Variants in DENND2D observed in about 807,000 individuals in gnomAD.
DENND2D encodes DENN domain-containing protein 2D.
A neutral mutation model predicts 59.8 loss-of-function variants in DENND2D; 37 were observed. That is an observed-to-expected ratio of 0.62 (90% CI 0.48 to 0.81). The LOEUF (loss-of-function observed/expected upper bound fraction) is 0.81. Among genes scored for constraint, DENND2D ranks in the 40% least tolerant of loss-of-function variants. The pLI is 0.00. For missense variants in DENND2D, 525 were observed against 579.7 expected (o/e 0.91, Z 0.97); for synonymous variants, 219 against 211.3 (o/e 1.04, Z -0.31).
rs1658612175 is a variant in DENND2D, at chr1:111,199,738, G to A, written c.128C>T (p.Ser43Phe). 6.2e-7 allele frequency: 1 copy of A among 1,614,152 alleles called. No individual in the cohort carries two copies. Among genetic ancestry groups the A allele is most frequent in the Admixed American group, 1.7e-5 (1 of 60,022 alleles). Residue 43 changes from serine to phenylalanine, a missense_variant, in exon 2 of 12, where the codon TCT becomes TTT. Physicochemically the swap from Ser to Phe is radical, Grantham distance 155 (BLOSUM62 -2). Coordinates refer to ENST00000357640, the MANE Select transcript of DENND2D (RefSeq NM_024901.5). ...LKEPERAQEH[S>F]LPNFAGGQHF... Reference sequence around the variant, plus strand: ...CTGCCCCCCAGCAAAGTTGGGCAAAGAGTGCTCCTGGGCCCTTTCTGGTTC... The same window carrying A: ...CTGCCCCCCAGCAAAGTTGGGCAAAAAGTGCTCCTGGGCCCTTTCTGGTTC...
In DENND2D at chr1:111,197,441, T is replaced by TG. The variant is rs1658350508; in HGVS notation, c.427-189dup. The TG allele has an allele frequency of 2.1e-6, 3 of 1,433,216 alleles. No individual in the cohort carries two copies. In the East Asian group the frequency reaches 7.6e-5, roughly 36 times the overall value. The allele number at this position is 1,433,216 out of a possible 1,614,324, so 88.8% of individuals were successfully genotyped here. A position where few individuals can be genotyped will look rare whatever the true frequency, so the allele number is the denominator to read the frequency against. ...TCCTTGAGGGTACTGGGTGAGTTGG[T>TG]GGGCAAGCGCTGCCACCTTCAGTGC... On this transcript the variant is annotated intron_variant, in intron 4 of 11. Coordinates refer to ENST00000357640, the MANE Select transcript of DENND2D (RefSeq NM_024901.5).
intron 6 of DENND2D, chr1:111,195,022 C>CA (rs1258220654): frequency 2.1e-5 from 8 of 389,442 alleles, no homozygotes; most frequent in East Asian, 1.3e-4. Flanking sequence ...CTGCAGCCTT[C>CA]ACAGTGAGGG....
At chr1:111,191,865 G>A (rs2101463218) in intron 8 of DENND2D, among the ~76,000 whole-genome samples, 1 of 152,276 alleles carries the variant, frequency 6.6e-6, no homozygotes, top group South Asian at 2.1e-4. Flanking sequence ...GCTATCCACT[G>A]CCCCTTATGC....
intron 9 of DENND2D, among the ~76,000 whole-genome samples, 156 bp downstream of exon 9, chr1:111,189,056 A>G (rs996242520): frequency 6.6e-6 from 1 of 152,150 alleles, no homozygotes; most frequent in Admixed American, 6.5e-5. Context: ...ATCTGTGTTT[A>G]TGTCCATGGG....
chr1:111,193,588 G>A (rs1657965218), intron 7 of DENND2D, among the ~76,000 whole-genome samples: 2 of 152,148 alleles, frequency 1.3e-5, no homozygotes, highest in Admixed American at 1.3e-4. Context: ...GCTTGCCCAA[G>A]TTTCCTTTCC....
chr1:111,200,557 C>A lies in DENND2D; in HGVS notation c.-98G>T. The A allele has an allele frequency of 6.5e-7, 1 of 1,527,246 alleles. No individual in the cohort carries two copies. Among genetic ancestry groups the A allele is most frequent in the Non-Finnish European group, 8.8e-7 (1 of 1,132,714 alleles). 94.6% of individuals were successfully genotyped at this position (1,527,246 alleles called of 1,614,324 possible). Reference sequence around the variant, plus strand: ...AAGGGGCTGCTTCGGTCTCCAGCCACAACTCTGTGAAGCCAAGCCACGCGC... The same window carrying A: ...AAGGGGCTGCTTCGGTCTCCAGCCAAAACTCTGTGAAGCCAAGCCACGCGC... On this transcript the variant is annotated 5_prime_UTR_variant, in exon 1 of 12. Coordinates refer to ENST00000357640, the MANE Select transcript of DENND2D (RefSeq NM_024901.5).
At position 111,186,846 on chromosome 1, in the gene DENND2D, C is replaced by T. The variant is rs1289015449; in HGVS notation, c.*759G>A. 6.6e-6 allele frequency among the ~76,000 whole-genome samples: 1 copy of T among 152,168 alleles called. No individual in the cohort carries two copies. The highest frequency in any genetic ancestry group is 1.5e-5 in the Non-Finnish European group (1 of 68,044). On this transcript the variant is annotated 3_prime_UTR_variant, in exon 12 of 12. Transcript: ENST00000357640. ...GCCATGTAGTGTTCTTCACAGGCTG[C>T]TGTTGACTGAAATTCCTATCCTCAA...
At chr1:111,204,332 G>A, upstream of DENND2D, 1 of 1,481,388 alleles carries the variant, frequency 6.8e-7, no homozygotes, top group Non-Finnish European at 8.9e-7. Flanking sequence ...CTGGCTCGAA[G>A]GCGGCGGCCG....
intron 7 of DENND2D, among the ~76,000 whole-genome samples, chr1:111,193,995 AC>A (rs1657994718): frequency 6.6e-6 from 1 of 152,234 alleles, no homozygotes; most frequent in Admixed American, 6.5e-5. Flanking sequence ...TGAGGTAATC[AC>A]AATCATTATT....
chr1:111,194,749 G>C, intron 6 of DENND2D, 23 bp from the exon 7 acceptor site: 1 of 1,612,742 alleles, frequency 6.2e-7, no homozygotes, highest in African/African-American at 1.3e-5. Flanking sequence ...CAGAGAGAGA[G>C]AAGGTGTCAC....
At chr1:111,191,131 G>A (rs575256078) in intron 8 of DENND2D, among the ~76,000 whole-genome samples, 1 of 152,278 alleles carries the variant, frequency 6.6e-6, no homozygotes, top group South Asian at 2.1e-4. Flanking sequence ...GCTAAACATG[G>A]GGCTAATACT....
At chr1:111,195,008 C>T (rs1658095550) in intron 6 of DENND2D, 1 of 415,378 alleles carries the variant, frequency 2.4e-6, no homozygotes, top group Non-Finnish European at 4.4e-6. Flanking sequence ...CCCATCTTTC[C>T]TGCCTGCAGC....
At chr1:111,196,173 A>G in intron 5 of DENND2D, 117 bp from the exon 6 acceptor site, 3 of 1,341,402 alleles carry the variant, frequency 2.2e-6, no homozygotes, top group South Asian at 1.5e-5. Flanking sequence ...GCTGATCCTC[A>G]TGTATCTTCT....
chr1:111,192,242 A>G lies in DENND2D; in HGVS notation c.870T>C (p.Val290=), dbSNP rs773516777. ...CGGTGGCCAGAAGGCTCTCAGGGACAACAGGGATGTAGGTGTGCGCCCAGC... is the reference window on the plus strand; with the variant it reads ...CGGTGGCCAGAAGGCTCTCAGGGACGACAGGGATGTAGGTGTGCGCCCAGC... ...PFSWAHTYIP[V]VPESLLATVC... is the part of the protein sequence containing the mutation. Residue 290 remains valine, a synonymous_variant, in exon 8 of 12, where the codon GTT becomes GTC. Coordinates refer to ENST00000357640, the MANE Select transcript of DENND2D (RefSeq NM_024901.5). 2.5e-6 allele frequency: 4 copies of G among 1,614,058 alleles called. No individual in the cohort carries two copies. The highest frequency in any genetic ancestry group is 2.2e-5 in the South Asian group (2 of 91,060).
chr1:111,195,705 G>A (rs1571189304), intron 6 of DENND2D: 2 of 596,912 alleles, frequency 3.4e-6, no homozygotes, highest in Non-Finnish European at 5.8e-6. Context: ...TTGGTGGCTT[G>A]AGCAGTAACT....
intron 8 of DENND2D, among the ~76,000 whole-genome samples, chr1:111,189,941 G>A (rs1657583333): frequency 6.6e-6 from 1 of 152,088 alleles, no homozygotes; most frequent in Non-Finnish European, 1.5e-5. Flanking sequence ...GAGGCGGGTG[G>A]ATCACGAGGT....
chr1:111,197,962 A>G lies in DENND2D; in HGVS notation c.384T>C (p.Asn128=), dbSNP rs546285626. Residue 128 remains asparagine (N), a synonymous_variant, in exon 4 of 12, where the codon AAT becomes AAC. Coordinates refer to ENST00000357640, the MANE Select transcript of DENND2D (RefSeq NM_024901.5). ...PRETFSFVLT[N]VDGSRKIGYC... ...ATCCAATCTTTCTGCTCCCATCCAC[A>G]TTGGTCAGAACGAAGGAGAAGGTCT... is the stretch of plus-strand genomic sequence containing the variant. 6.8e-6 allele frequency: 11 copies of G among 1,614,116 alleles called. No individual in the cohort carries two copies. The highest frequency in any genetic ancestry group is 5.3e-5 in the African/African-American group (4 of 75,036).
rs982458518 is a variant in DENND2D, at chr1:111,187,543, C to G, written c.*62G>C. ...TGACAGTTTTGCTGATCCTGCCACA[C>G]TGGCAGGGGCTGAAGTCCAGAAATG... On this transcript the variant is annotated 3_prime_UTR_variant, in exon 12 of 12. Transcript: ENST00000357640. The G allele has an allele frequency of 4.2e-6, 6 of 1,433,076 alleles. No homozygotes were observed. Among genetic ancestry groups the G allele is most frequent in the African/African-American group, 2.8e-5 (2 of 71,158 alleles). The allele number at this position is 1,433,076 out of a possible 1,614,324, so 88.8% of individuals were successfully genotyped here. A position where few individuals can be genotyped will look rare whatever the true frequency, so the allele number is the denominator to read the frequency against.
chr1:111,198,140 T>C (rs1658428114), intron 3 of DENND2D, 151 bp from the exon 4 acceptor site: 1 of 687,314 alleles, frequency 1.5e-6, no homozygotes, highest in Non-Finnish European at 2.5e-6. Flanking sequence ...CCTAAACACA[T>C]CATCTCATCT....
Sources: allele counts gnomAD v4.1 joint callset (sites outside exome capture counted in the v4.1 genomes callset), GRCh38; gene constraint gnomAD v4.1.1; transcripts MANE v1.5; gene names NCBI Gene and HGNC (gene_info 2026-07-23, HGNC 2026-07-21).